Variants in KICS2 observed in about 807,000 individuals in gnomAD.
KICS2 encodes KICSTOR subunit 2.
KICS2 carries 13 observed loss-of-function variants against 31.4 expected under a neutral mutation model. That is an observed-to-expected ratio of 0.41 (90% CI 0.27 to 0.66). The LOEUF (loss-of-function observed/expected upper bound fraction) is 0.66. Among genes scored for constraint, KICS2 ranks in the 30% least tolerant of loss-of-function variants. KICS2 has a pLI of 0.28. For synonymous variants in KICS2, 209 were observed against 214.8 expected (o/e 0.97, Z 0.24); for missense variants, 455 against 545.4 (o/e 0.83, Z 1.65).
chr12:64,188,459 G>T (rs946532697), downstream of KICS2, among the ~76,000 whole-genome samples: 1 of 152,032 alleles, frequency 6.6e-6, no homozygotes, highest in South Asian at 2.1e-4. Flanking sequence ...GGAGGCAGAG[G>T]TTGCAGTGAG....
intron 2 of KICS2, among the ~76,000 whole-genome samples, chr12:64,202,196 G>A (rs1483186508): frequency 1.3e-5 from 2 of 152,116 alleles, no homozygotes; most frequent in Non-Finnish European, 2.9e-5. Context: ...CTTGAGCCCA[G>A]GAGTTCATGA....
rs2136686116 is a variant in KICS2 at position 64,193,278 on chromosome 12, C to T, written c.*564G>A. 2 of 985,918 alleles carry T rather than the reference C, an allele frequency of 2.0e-6. No homozygotes were observed. The highest frequency in any genetic ancestry group is 9.4e-5 in the South Asian group (2 of 21,294). The allele number at this position is 985,918 out of a possible 1,614,324, so 61.1% of individuals were successfully genotyped here. On this transcript the variant is annotated 3_prime_UTR_variant, in exon 3 of 3. Coordinates refer to ENST00000398055, the MANE Select transcript of KICS2 (RefSeq NM_152440.5). Reference sequence around the variant, plus strand: ...TCATGCTACCAATCTGACTCACTTTCAGTTTCAATAACTGATAGAAATTTC... The same window carrying T: ...TCATGCTACCAATCTGACTCACTTTTAGTTTCAATAACTGATAGAAATTTC...
chr12:64,219,943 CCTG>C (rs1014873853), intron 1 of KICS2, among the ~76,000 whole-genome samples: 35 of 152,208 alleles, frequency 2.3e-4, no homozygotes, highest in African/African-American at 6.7e-4. Flanking sequence ...AAAGTTTTCT[CCTG>C]AAGTTTTTAA....
In KICS2 at chr12:64,194,117, C is replaced by T. The variant is rs571079002; in HGVS notation, c.1063G>A (p.Asp355Asn). ...QYPAVVSLPS[D>N]RPVMHWPNVI... is the part of the protein sequence containing the mutation. ...TTGGGCCAGTGCATGACTGGCCTGTCGCTGGGCAGAGACACTACAGCTGGA... is the reference window on the plus strand; with the variant it reads ...TTGGGCCAGTGCATGACTGGCCTGTTGCTGGGCAGAGACACTACAGCTGGA... Residue 355 changes from aspartate (D) to asparagine (N), a missense_variant, in exon 3 of 3, where the codon GAC (aspartate) becomes AAC (asparagine). Asp to Asn is a conservative substitution (Grantham distance 23, BLOSUM62 1). Coordinates refer to ENST00000398055, the MANE Select transcript of KICS2 (RefSeq NM_152440.5). The T allele has an allele frequency of 4.3e-6, 7 of 1,613,986 alleles. No individual in the cohort carries two copies. Among genetic ancestry groups the T allele is most frequent in the South Asian group, 1.1e-5 (1 of 91,066 alleles).
intron 2 of KICS2, among the ~76,000 whole-genome samples, chr12:64,209,111 G>T (rs1034168604): frequency 6.6e-6 from 1 of 151,916 alleles, no homozygotes; most frequent in Non-Finnish European, 1.5e-5. Flanking sequence ...AGTACTCAAG[G>T]AATAGCAGAT....
At chr12:64,195,615 G>T (rs1168892804) in intron 2 of KICS2, among the ~76,000 whole-genome samples, 1 of 152,186 alleles carries the variant, frequency 6.6e-6, no homozygotes, top group Non-Finnish European at 1.5e-5. Flanking sequence ...GGCCGAATAG[G>T]AACAGCTCCG....
chr12:64,197,699 G>A, intron 2 of KICS2, among the ~76,000 whole-genome samples: 2 of 147,904 alleles, frequency 1.4e-5, no homozygotes, highest in African/African-American at 2.5e-5. Flanking sequence ...CTGTATTCAG[G>A]AAACCCATCT....
intron 1 of KICS2, among the ~76,000 whole-genome samples, chr12:64,217,279 T>G (rs1004194412): frequency 6.6e-6 from 1 of 152,048 alleles, no homozygotes; most frequent in East Asian, 1.9e-4. Flanking sequence ...CTGGGAAAAT[T>G]TTGAACAGTT....
intron 1 of KICS2, among the ~76,000 whole-genome samples, chr12:64,221,097 C>A: frequency 9.0e-6 from 1 of 111,592 alleles, no homozygotes; most frequent in African/African-American, 3.4e-5. Flanking sequence ...AAGTAGGGGG[C>A]TGGTTAGGGA....
In KICS2 at chr12:64,193,904, C is replaced by A. The variant is rs188114016; in HGVS notation, c.1276G>T (p.Val426Phe). ...TTGGGGTTCTTAAGGGCAAGTGAGA[C>A]CTCATTGAGGAAGGAAATAAAGTGG... ...DSHFISFLNE[V>F]SLALKNPKVF... The change falls in exon 3 of 3, where the codon GTC (valine) becomes TTC (phenylalanine). Residue 426 changes from valine to phenylalanine, a missense_variant. Transcript: ENST00000398055. 7.4e-6 allele frequency: 12 copies of A among 1,614,002 alleles called. No individual in the cohort carries two copies. Among genetic ancestry groups the A allele is most frequent in the Admixed American group, 1.7e-5 (1 of 60,004 alleles).
At chr12:64,188,251 A>T (rs373470938), downstream of KICS2, among the ~76,000 whole-genome samples, 1 of 152,190 alleles carries the variant, frequency 6.6e-6, no homozygotes, top group East Asian at 1.9e-4. Flanking sequence ...GGGGCTGGGC[A>T]CAGTGGCTCA....
At chr12:64,205,005 C>T (rs2037523817) in intron 2 of KICS2, 1 of 152,162 alleles carries the variant, frequency 6.6e-6, no homozygotes, top group African/African-American at 2.4e-5. Context: ...AGCTTTTAGG[C>T]CCCTTGACAC....
intron 2 of KICS2, among the ~76,000 whole-genome samples, chr12:64,194,897 T>C (rs1016239985): frequency 6.6e-6 from 1 of 152,150 alleles, no homozygotes; most frequent in African/African-American, 2.4e-5. Context: ...GTGGCCACTT[T>C]TCCTTTCAAC....
downstream of KICS2, among the ~76,000 whole-genome samples, chr12:64,189,300 A>G (rs1225933532): frequency 6.6e-6 from 1 of 152,234 alleles, no homozygotes; most frequent in East Asian, 1.9e-4. Flanking sequence ...ATAATGAGAA[A>G]AGGAATAACA....
rs1263377314 is a variant in KICS2 at position 64,196,525 on chromosome 12, C to T, written c.522-1867G>A. ...AAAAACAGAACAGAAAAACTGGAAACTCTAAAACGCAGAGCGTCTCTCCTC... is the reference window on the plus strand; with the variant it reads ...AAAAACAGAACAGAAAAACTGGAAATTCTAAAACGCAGAGCGTCTCTCCTC... On this transcript the variant is annotated intron_variant, in intron 2 of 2. Transcript: ENST00000398055. Among the ~76,000 whole-genome samples, 3 of 151,726 alleles carry T rather than the reference C, an allele frequency of 2.0e-5. No individual in the cohort carries two copies. The East Asian group carries it at 5.8e-4, about 29-fold the overall frequency.
chr12:64,206,741 C>T (rs903741648), intron 2 of KICS2, among the ~76,000 whole-genome samples: 5 of 152,152 alleles, frequency 3.3e-5, no homozygotes, highest in Admixed American at 6.5e-5. Flanking sequence ...CATGCTACAA[C>T]ATAGGTGAAT....
In KICS2 at chr12:64,192,565, T is replaced by TG. The variant is rs1469556983; in HGVS notation, c.*1276dup. On this transcript the variant is annotated 3_prime_UTR_variant, in exon 3 of 3. Transcript: ENST00000398055. The stretch of plus-strand genomic sequence containing the variant: ...GTAAAACAGTGGCTCCACACAATCA[T>TG]GGGAAAAAAGACGAATATGACCATT... The TG allele has an allele frequency of 2.0e-6, 2 of 977,144 alleles. No individual in the cohort carries two copies. The highest frequency in any genetic ancestry group is 1.1e-4 in the East Asian group (1 of 8,782). 60.5% of individuals were successfully genotyped at this position (977,144 alleles called of 1,614,324 possible).
At position 64,196,201 on chromosome 12, in the gene KICS2, T is replaced by A. The variant is rs545969431; in HGVS notation, c.522-1543A>T. 5.9e-5 allele frequency among the ~76,000 whole-genome samples: 9 copies of A among 152,036 alleles called. No individual in the cohort carries two copies. In the East Asian group the frequency reaches 1.7e-3, roughly 30 times the overall value. ...ACCTCTGCAGACTTAAATGTCCCTG[T>A]CTGACAGCTTTGAAGAGAGCAGTGG... On this transcript the variant is annotated intron_variant, in intron 2 of 2. Transcript: ENST00000398055.
At chr12:64,201,770 G>T (rs1427908326) in intron 2 of KICS2, among the ~76,000 whole-genome samples, 2 of 146,284 alleles carry the variant, frequency 1.4e-5, no homozygotes, top group Non-Finnish European at 3.1e-5. Context: ...TTGAACCTGG[G>T]GTGGGGGGGC....
Sources: allele counts gnomAD v4.1 joint callset (sites outside exome capture counted in the v4.1 genomes callset), GRCh38; gene constraint gnomAD v4.1.1; transcripts MANE v1.5; gene names NCBI Gene and HGNC (gene_info 2026-07-23, HGNC 2026-07-21).